MYH15: variants seen among roughly 807,000 people sequenced by gnomAD.
MYH15 encodes the protein myosin-15.
In MYH15, 227 loss-of-function variants were observed where a neutral mutation model predicts 240.5. The observed-to-expected ratio is 0.94, with a 90% confidence interval of 0.85 to 1.05. MYH15 has a LOEUF of 1.05. Ranked by LOEUF, MYH15 falls within the 50% of genes least tolerant of loss-of-function variation. The pLI, the probability that MYH15 is intolerant of heterozygous loss-of-function variation, is 0.00. For missense variants in MYH15, 2,217 were observed against 2,247.5 expected (o/e 0.99, Z 0.27); for synonymous variants, 785 against 796.7 (o/e 0.99, Z 0.25).
At chr3:108,391,730 T>C in intron 37 of MYH15, 30 bp downstream of exon 37, 1 of 1,603,478 alleles carries the variant, frequency 6.2e-7, no homozygotes, top group South Asian at 1.1e-5. Context: ...TTGGGGACTG[T>C]CAAGCCCTCA....
intron 33 of MYH15, among the ~76,000 whole-genome samples, chr3:108,399,975 G>C (rs1400757094): frequency 6.6e-6 from 1 of 152,186 alleles, no homozygotes; most frequent in Non-Finnish European, 1.5e-5. Context: ...TAAAAAATTG[G>C]GAGAATCCAT....
chr3:108,508,129 T>A (rs931367599), intron 1 of MYH15, among the ~76,000 whole-genome samples: 2 of 152,162 alleles, frequency 1.3e-5, no homozygotes, highest in African/African-American at 2.4e-5. Context: ...CCTGAATCAG[T>A]GCTCCTGCAT....
intron 33 of MYH15, among the ~76,000 whole-genome samples, chr3:108,401,000 T>C (rs560979360): frequency 1.2e-4 from 19 of 152,266 alleles, no homozygotes; most frequent in African/African-American, 4.6e-4. Flanking sequence ...TGTGAGCACC[T>C]ATCCTCTGCC....
At chr3:108,538,050 C>T in the MYH15 span, among the ~76,000 whole-genome samples, 1 of 152,144 alleles carries the variant, frequency 6.6e-6, no homozygotes, top group Non-Finnish European at 1.5e-5. Flanking sequence ...GGTCCATTAG[C>T]AGTTAATGTG....
chr3:108,472,290 GGCCA>G (rs2083184424), intron 12 of MYH15, among the ~76,000 whole-genome samples: 1 of 152,158 alleles, frequency 6.6e-6, no homozygotes, highest in Admixed American at 6.5e-5. Flanking sequence ...AATTTTAGCT[GGCCA>G]TTCTCCAAGC....
intron 10 of MYH15, among the ~76,000 whole-genome samples, chr3:108,485,551 C>T (rs1038440595): frequency 5.3e-5 from 8 of 152,166 alleles, no homozygotes; most frequent in African/African-American, 1.2e-4. Context: ...TTTTGCCTTT[C>T]GTGGTTATGG....
intron 15 of MYH15, among the ~76,000 whole-genome samples, chr3:108,463,754 T>C (rs2083090907): frequency 6.6e-6 from 1 of 152,004 alleles, no homozygotes; most frequent in Non-Finnish European, 1.5e-5. Flanking sequence ...CTCAAGATTC[T>C]TATCATTAAC....
chr3:108,510,421 C>T, intron 1 of MYH15, 22 bp downstream of exon 1: 1 of 1,582,388 alleles, frequency 6.3e-7, no homozygotes, highest in South Asian at 1.2e-5. Flanking sequence ...AAAGTGAAGC[C>T]AGCAACCACC....
chr3:108,534,718 T>C, the MYH15 span, among the ~76,000 whole-genome samples: 2 of 78,592 alleles, frequency 2.5e-5, no homozygotes, highest in Non-Finnish European at 7.4e-5. Context: ...AAAAAAAAAT[T>C]TTTTTTTTTT....
In MYH15 at chr3:108,485,229, G is replaced by C. The variant is rs2107595794; in HGVS notation, c.976C>G (p.Gln326Glu). 1 of 1,613,710 alleles carries C rather than the reference G, an allele frequency of 6.2e-7. No homozygotes were observed. ...DDAEELLATEQAMDILGFLPD... is the reference protein window; with the variant it reads ...DDAEELLATEEAMDILGFLPD... ...AGAAAGCCCAAGATGTCCATGGCTT[G>C]CTGTAAAAAGAGAAACAGATGGCCC... The change falls in exon 11 of 41, where the codon CAA becomes GAA. Residue 326 changes from glutamine to glutamate, a missense_variant and splice_region_variant. Transcript: ENST00000693548.
intron 33 of MYH15, among the ~76,000 whole-genome samples, chr3:108,402,306 A>G (rs1218495378): frequency 2.0e-5 from 3 of 152,240 alleles, no homozygotes; most frequent in African/African-American, 7.2e-5. Flanking sequence ...ACCAAGTCAG[A>G]TGGTGTATAT....
intron 33 of MYH15, among the ~76,000 whole-genome samples, chr3:108,402,346 T>A (rs773134279): frequency 6.6e-6 from 1 of 152,224 alleles, no homozygotes; most frequent in African/African-American, 2.4e-5. Context: ...AAGTTTGACA[T>A]GACTGAGTTC....
At chr3:108,509,945 C>T (rs564572160) in intron 1 of MYH15, among the ~76,000 whole-genome samples, 19 of 152,150 alleles carry the variant, frequency 1.2e-4, no homozygotes, top group African/African-American at 3.6e-4. Context: ...CCTAGAAGAC[C>T]GCTAGAGGCA....
intron 4 of MYH15, 118 bp downstream of exon 4, chr3:108,500,000 A>G: frequency 8.6e-7 from 1 of 1,167,990 alleles, no homozygotes; most frequent in South Asian, 1.7e-5. Flanking sequence ...AGAGGCTTCA[A>G]GTGATTAGCT....
At chr3:108,415,742 C>T (rs2082628157) in intron 29 of MYH15, among the ~76,000 whole-genome samples, 1 of 152,020 alleles carries the variant, frequency 6.6e-6, no homozygotes, top group Admixed American at 6.6e-5. Context: ...AGTCCTAAGG[C>T]AGGAGTGATG....
upstream of MYH15, among the ~76,000 whole-genome samples, chr3:108,532,440 G>T (rs766124101): frequency 1.3e-5 from 2 of 152,080 alleles, no homozygotes; most frequent in African/African-American, 2.4e-5. Context: ...CTAAAACATT[G>T]TCTCTTCTTG....
chr3:108,529,363 G>A (rs2083697030), upstream of MYH15: 1 of 1,013,510 alleles, frequency 9.9e-7, no homozygotes, highest in Non-Finnish European at 1.5e-6. Flanking sequence ...TAGCCAGGAA[G>A]GCAACATTAT....
intron 30 of MYH15, among the ~76,000 whole-genome samples, chr3:108,413,839 C>T (rs1403306126): frequency 6.6e-6 from 1 of 152,134 alleles, no homozygotes; most frequent in Admixed American, 6.5e-5. Context: ...AGGGACACAA[C>T]GACTTTGATG....
At chr3:108,408,530 G>A in intron 31 of MYH15, 126 bp from the exon 32 acceptor site, 3 of 923,318 alleles carry the variant, frequency 3.2e-6, no homozygotes, top group South Asian at 3.6e-5. Flanking sequence ...GTAACTTGAT[G>A]ACCTATCCTA....
Sources: gnomAD v4.1 joint callset for allele counts (sites outside exome capture counted in the v4.1 genomes callset) on GRCh38, gnomAD v4.1.1 for gene constraint, MANE v1.5 for transcripts, NCBI Gene and HGNC (gene_info 2026-07-23, HGNC 2026-07-21) for gene names.